The following C7orf33 variants were observed in gnomAD, a reference collection of about 807,000 sequenced individuals.
The protein encoded by C7orf33 is uncharacterized protein C7orf33.
A neutral mutation model predicts 13.4 loss-of-function variants in C7orf33; 15 were observed. The ratio of observed to expected loss-of-function variants is 1.12; its 90% CI spans 0.75 to 1.72. C7orf33 has a LOEUF of 1.72. Among genes scored for constraint, C7orf33 ranks in the 40% most tolerant of loss-of-function variants. The pLI, the probability that C7orf33 is intolerant of heterozygous loss-of-function variation, is 0.00. For missense variants in C7orf33, 187 were observed against 220.3 expected, an observed-to-expected ratio of 0.85 and a Z score of 0.96; for synonymous variants, 73 against 83.2, an observed-to-expected ratio of 0.88 and a Z score of 0.67.
At chr7:148,598,488 T>A (rs973707496) in intron 1 of C7orf33, among the ~76,000 whole-genome samples, 3 of 151,948 alleles carry the variant, frequency 2.0e-5, no homozygotes. Flanking sequence ...ACCAATGCCC[T>A]GCTTCCTTAA....
intron 1 of C7orf33, among the ~76,000 whole-genome samples, chr7:148,595,502 TTATATATTATATAGCTATAG>T (rs1796323113): frequency 7.6e-6 from 1 of 131,680 alleles, no homozygotes; most frequent in African/African-American, 3.0e-5. Flanking sequence ...TAGATCTATA[TTATATATTATATAGCTATAG>T]TATATATAAT....
rs764056902 is a variant in C7orf33, at chr7:148,614,249, A to ACT, written c.419_420dup (p.Tyr141LeufsTer8). 3.5e-5 allele frequency: 56 copies of ACT among 1,614,058 alleles called. No homozygotes were observed. The African/African-American group carries it at 6.9e-4, about 20-fold the overall frequency. On this transcript the variant is annotated frameshift_variant, in exon 2 of 3. Coordinates refer to ENST00000307003, the MANE Select transcript of C7orf33 (RefSeq NM_145304.4). LOFTEE classifies it high-confidence loss of function. ...GTCTTCCAGTTACCTAGATCTGCTA[A>ACT]CTCTCTCTTACAAGCCTGGGAGGAC...
At chr7:148,599,979 A>G (rs1304297085) in intron 1 of C7orf33, among the ~76,000 whole-genome samples, 2 of 152,196 alleles carry the variant, frequency 1.3e-5, no homozygotes, top group Non-Finnish European at 2.9e-5. Flanking sequence ...CCACTTTGGG[A>G]GGACAGGCTG....
At chr7:148,603,134 T>A (rs77365806) in intron 1 of C7orf33, among the ~76,000 whole-genome samples, 2,831 of 152,152 alleles carry the variant, frequency 0.019, 39 homozygotes, top group Non-Finnish European at 0.03. Context: ...ACTGAAGCAG[T>A]CAGATGAGAA....
chr7:148,613,434 A>G (rs1348571806), intron 1 of C7orf33, among the ~76,000 whole-genome samples: 1 of 152,250 alleles, frequency 6.6e-6, no homozygotes, highest in South Asian at 2.1e-4. Context: ...CAAATGATGA[A>G]TGGATAAATA....
At chr7:148,615,227 C>T (rs903401159) in intron 2 of C7orf33, 100 bp from the exon 3 acceptor site, 12 of 804,428 alleles carry the variant, frequency 1.5e-5, no homozygotes, top group Middle Eastern at 2.4e-4. Flanking sequence ...GCATGAGCCA[C>T]CATGCCAGGC....
At chr7:148,614,680 A>G (rs1796582072) in intron 2 of C7orf33, among the ~76,000 whole-genome samples, 1 of 152,234 alleles carries the variant, frequency 6.6e-6, no homozygotes, top group Non-Finnish European at 1.5e-5. Context: ...CTCTACAGGA[A>G]GCTATGGCTT....
intron 1 of C7orf33, among the ~76,000 whole-genome samples, chr7:148,605,424 G>C (rs1796461507): frequency 6.6e-6 from 1 of 152,204 alleles, no homozygotes; most frequent in Non-Finnish European, 1.5e-5. Flanking sequence ...ACCCAGATTG[G>C]CCTTTGGCAA....
intron 1 of C7orf33, among the ~76,000 whole-genome samples, chr7:148,600,952 G>A (rs552966273): frequency 4.6e-5 from 7 of 151,742 alleles, no homozygotes; most frequent in African/African-American, 9.7e-5. Context: ...ACAGGCACAC[G>A]CCACCACACC....
chr7:148,601,949 A>G (rs1029471491), intron 1 of C7orf33, among the ~76,000 whole-genome samples: 1 of 151,816 alleles, frequency 6.6e-6, no homozygotes, highest in Non-Finnish European at 1.5e-5. Flanking sequence ...GGGTCTCACT[A>G]TGGTACCCAA....
intron 1 of C7orf33, among the ~76,000 whole-genome samples, chr7:148,609,021 T>A (rs1174963936): frequency 6.6e-6 from 1 of 151,692 alleles, no homozygotes; most frequent in Non-Finnish European, 1.5e-5. Flanking sequence ...GAGCTTAAGG[T>A]TCATTCTTAC....
At chr7:148,605,634 C>T (rs1796464186) in intron 1 of C7orf33, among the ~76,000 whole-genome samples, 1 of 152,164 alleles carries the variant, frequency 6.6e-6, no homozygotes. Context: ...CTCATACGGC[C>T]CATCTCATAT....
intron 1 of C7orf33, among the ~76,000 whole-genome samples, chr7:148,595,228 G>A (rs926971911): frequency 2.1e-5 from 3 of 140,814 alleles, no homozygotes; most frequent in African/African-American, 7.8e-5. Flanking sequence ...TATATTATAT[G>A]GATATATATT....
At chr7:148,599,335 C>A (rs1206270593) in intron 1 of C7orf33, among the ~76,000 whole-genome samples, 2 of 152,004 alleles carry the variant, frequency 1.3e-5, no homozygotes, top group African/African-American at 4.8e-5. Flanking sequence ...AAATGAAACC[C>A]CTGAACAATA....
chr7:148,599,116 G>A (rs998680703), intron 1 of C7orf33, among the ~76,000 whole-genome samples: 5 of 151,940 alleles, frequency 3.3e-5, no homozygotes, highest in African/African-American at 1.2e-4. Flanking sequence ...ACCCACCTAC[G>A]CCTCCCAAAG....
At chr7:148,591,227 A>C (rs1024840955) in intron 1 of C7orf33, 98 bp downstream of exon 1, 1 of 1,040,806 alleles carries the variant, frequency 9.6e-7, no homozygotes, top group Non-Finnish European at 1.5e-6. Flanking sequence ...TTGACTCTCT[A>C]CTATGTGTTA....
Position 148,614,255 on chromosome 7 carries a change from T to C in C7orf33, c.418T>C (p.Ser140Pro). Residue 140 changes from serine to proline, a missense_variant, in exon 2 of 3, where the codon TCT (serine) becomes CCT (proline). Transcript: ENST00000307003. ...CAGTTACCTAGATCTGCTAACTCTC[T>C]CTTACAAGCCTGGGAGGACAGTGAC... ...SSSYLDLLTL[S>P]YKPGRTVTSS... The C allele has an allele frequency of 2.5e-6, 4 of 1,614,164 alleles. No homozygotes were observed. The Middle Eastern group carries it at 4.9e-4, about 200-fold the overall frequency.
intron 1 of C7orf33, among the ~76,000 whole-genome samples, chr7:148,591,962 G>A (rs989659631): frequency 6.6e-6 from 1 of 152,138 alleles, no homozygotes; most frequent in African/African-American, 2.4e-5. Flanking sequence ...GTTAAAGTAT[G>A]AGCTCCCACT....
Position 148,591,076 on chromosome 7 carries a change from G to A in C7orf33, c.151G>A (p.Val51Ile), listed in dbSNP as rs1291181223. Residue 51 changes from valine (V) to isoleucine (I), a missense_variant, in exon 1 of 3, where the codon GTT becomes ATT. Coordinates refer to ENST00000307003, the MANE Select transcript of C7orf33 (RefSeq NM_145304.4). The part of the protein sequence containing the change: ...SGRAVAVWVH[V>I]RGGPGQFNLS... ...GAGGGCAGTCGCTGTTTGGGTCCAC[G>A]TTAGGGGCGGTCCAGGTCAATTTAA... The A allele has an allele frequency of 3.1e-6, 5 of 1,613,908 alleles. No homozygotes were observed. The highest frequency in any genetic ancestry group is 1.6e-4 in the Middle Eastern group (1 of 6,084).
Sources: allele counts gnomAD v4.1 joint callset (sites outside exome capture counted in the v4.1 genomes callset), GRCh38; gene constraint gnomAD v4.1.1; transcripts MANE v1.5; gene names NCBI Gene and HGNC (gene_info 2026-07-23, HGNC 2026-07-21).